The following PKP2 variants were observed in gnomAD, a reference collection of about 807,000 sequenced individuals.
PKP2 encodes plakophilin-2.
Under a neutral mutation model 83.4 loss-of-function variants are expected in PKP2, and 73 were observed. The observed-to-expected ratio is 0.88, with a 90% CI of 0.72 to 1.06. The LOEUF is 1.06. Among genes scored for constraint, PKP2 ranks in the 50% least tolerant of loss-of-function variants. PKP2 has a pLI of 0.00. For synonymous variants in PKP2, 409 were observed against 430.4 expected (o/e 0.95, Z 0.62); for missense variants, 966 against 1,065.4 (o/e 0.91, Z 1.30).
intron 6 of PKP2, among the ~76,000 whole-genome samples, chr12:32,833,274 A>G (rs1956516836): frequency 1.3e-5 from 2 of 152,152 alleles, no homozygotes; most frequent in African/African-American, 4.8e-5. Flanking sequence ...TACAAAAAGA[A>G]AGAAAAGAAA....
chr12:32,795,968 G>A, intron 11 of PKP2, 141 bp downstream of exon 11: 1 of 776,362 alleles, frequency 1.3e-6, no homozygotes, highest in Non-Finnish European at 2.3e-6. Context: ...GGGCTGACCA[G>A]ATGATCTGGC....
intron 10 of PKP2, among the ~76,000 whole-genome samples, chr12:32,799,473 A>G (rs1239665480): frequency 2.0e-5 from 3 of 152,232 alleles, no homozygotes; most frequent in Non-Finnish European, 4.4e-5. Flanking sequence ...TATGAAAAAG[A>G]CACTTGTACA....
chr12:32,810,653 G>C (rs777313696), intron 9 of PKP2, among the ~76,000 whole-genome samples: 4 of 152,084 alleles, frequency 2.6e-5, no homozygotes, highest in Non-Finnish European at 5.9e-5. Context: ...GTCACATTTA[G>C]GGGAAAGTAC....
At position 32,871,897 on chromosome 12, in the gene PKP2, C is replaced by T. The variant is rs557366417; in HGVS notation, c.1035-2835G>A. Among the ~76,000 whole-genome samples the T allele has an allele frequency of 6.6e-5, 10 of 152,290 alleles. No individual in the cohort carries two copies. The South Asian group carries it at 2.1e-3, about 32-fold the overall frequency. ...TGTGAAATCTTTTCTGTACCCCATC[C>T]CCTAGAACAGCTAGAGCTATTCTTT... On this transcript the variant is annotated intron_variant, in intron 3 of 12. Transcript: ENST00000340811.
intron 1 of PKP2, among the ~76,000 whole-genome samples, chr12:32,883,053 T>C (rs913882005): frequency 6.6e-6 from 1 of 152,256 alleles, no homozygotes; most frequent in Non-Finnish European, 1.5e-5. Flanking sequence ...CATAAGTTCT[T>C]AGAAGAAAGC....
chr12:32,887,516 C>T (rs570315760), intron 1 of PKP2, among the ~76,000 whole-genome samples: 6 of 152,188 alleles, frequency 3.9e-5, no homozygotes, highest in South Asian at 4.1e-4. Flanking sequence ...TGCAGCGGTG[C>T]GATCTTGGCT....
intron 4 of PKP2, among the ~76,000 whole-genome samples, chr12:32,862,319 G>A (rs1377803217): frequency 2.6e-5 from 4 of 152,202 alleles, no homozygotes; most frequent in Admixed American, 2.0e-4. Flanking sequence ...ATGCAGGTTT[G>A]CTGGTGATGA....
intron 1 of PKP2, among the ~76,000 whole-genome samples, chr12:32,889,058 C>A (rs1455244627): frequency 6.6e-6 from 1 of 152,162 alleles, no homozygotes; most frequent in East Asian, 1.9e-4. Flanking sequence ...TCACAATTAT[C>A]AAATTCTTTA....
intron 5 of PKP2, among the ~76,000 whole-genome samples, chr12:32,848,127 C>T (rs546969225): frequency 2.0e-5 from 3 of 152,124 alleles, no homozygotes; most frequent in Non-Finnish European, 4.4e-5. Flanking sequence ...CTGGCAAGAG[C>T]GTAGCATGGT....
At position 32,821,361 on chromosome 12, in the gene PKP2, C is replaced by T. The variant is rs1956374016; in HGVS notation, c.2008G>A (p.Gly670Arg). Residue 670 changes from glycine (G) to arginine (R), a missense_variant, in exon 9 of 13, where the codon GGA (glycine) becomes AGA (arginine). Physicochemically the swap from Gly to Arg is moderately radical, Grantham distance 125. Coordinates refer to ENST00000340811, the MANE Select transcript of PKP2 (RefSeq NM_001005242.3). The part of the protein sequence containing the change: ...GALQNLTAGS[G>R]PMPTSVAQTV... ...AAATCAGGCCCAATACTCACTGGTCCACTTCCGGCCGTGAGGTTCTGCAGA... is the reference window on the plus strand; with the variant it reads ...AAATCAGGCCCAATACTCACTGGTCTACTTCCGGCCGTGAGGTTCTGCAGA... The T allele has an allele frequency of 1.2e-6, 2 of 1,613,914 alleles. No homozygotes were observed. The highest frequency in any genetic ancestry group is 1.1e-5 in the South Asian group (1 of 91,068).
At chr12:32,895,823 G>GT (rs946154675) in intron 1 of PKP2, among the ~76,000 whole-genome samples, 3 of 152,194 alleles carry the variant, frequency 2.0e-5, no homozygotes, top group African/African-American at 7.2e-5. Context: ...GCCCGCACTG[G>GT]TGGGGGTAGG....
intron 4 of PKP2, among the ~76,000 whole-genome samples, chr12:32,858,185 G>A (rs1956772195): frequency 7.2e-6 from 1 of 138,560 alleles, no homozygotes; most frequent in Non-Finnish European, 1.5e-5. Context: ...GTCCATGCCT[G>A]TGGTCCCAGC....
intron 9 of PKP2, among the ~76,000 whole-genome samples, chr12:32,804,405 C>T (rs1956206857): frequency 6.6e-6 from 1 of 152,122 alleles, no homozygotes; most frequent in Admixed American, 6.5e-5. Flanking sequence ...CATCCAATCA[C>T]CTAGGTATTA....
chr12:32,792,397 G>A lies in PKP2; in HGVS notation c.*27C>T. The A allele has an allele frequency of 6.4e-7, 1 of 1,569,942 alleles. No individual in the cohort carries two copies. Among genetic ancestry groups the A allele is most frequent in the Non-Finnish European group, 8.8e-7 (1 of 1,139,588 alleles). Reference sequence around the variant, plus strand: ...TAGGTGTTTTCCTTTGGGGATTTTTGCAGCCGAGAATACTTTGTCATTTTC... The same window carrying A: ...TAGGTGTTTTCCTTTGGGGATTTTTACAGCCGAGAATACTTTGTCATTTTC... On this transcript the variant is annotated 3_prime_UTR_variant, in exon 13 of 13. Coordinates refer to ENST00000340811, the MANE Select transcript of PKP2 (RefSeq NM_001005242.3).
intron 1 of PKP2, among the ~76,000 whole-genome samples, chr12:32,880,920 A>T (rs900285784): frequency 6.6e-5 from 10 of 152,344 alleles, no homozygotes; most frequent in African/African-American, 2.4e-4. Flanking sequence ...TTTAGAAATC[A>T]GAGGGAAAAT....
At chr12:32,884,044 G>C (rs1957008311) in intron 1 of PKP2, among the ~76,000 whole-genome samples, 1 of 152,186 alleles carries the variant, frequency 6.6e-6, no homozygotes, top group African/African-American at 2.4e-5. Context: ...CTGGAGGAAA[G>C]GAATGTCATA....
At position 32,824,081 on chromosome 12, in the gene PKP2, G is replaced by A. The variant is rs2137783220; in HGVS notation, c.1638C>T (p.Val546=). ...DGLIDSLVHY[V]RGTIADYQPD... is the part of the protein sequence containing the mutation. ...GCTGGTAATCTGCAATGGTTCCTCT[G>A]ACATAATGGACCAGTGAGTCAATGA... The change falls in exon 7 of 13, where the codon GTC becomes GTT. Residue 546 remains valine, a synonymous_variant. Coordinates refer to ENST00000340811, the MANE Select transcript of PKP2 (RefSeq NM_001005242.3). The A allele has an allele frequency of 1.9e-6, 3 of 1,609,614 alleles. No individual in the cohort carries two copies. Among genetic ancestry groups the A allele is most frequent in the South Asian group, 1.1e-5 (1 of 90,982 alleles).
intron 10 of PKP2, among the ~76,000 whole-genome samples, chr12:32,800,950 T>C (rs1227355023): frequency 6.6e-6 from 1 of 152,266 alleles, no homozygotes; most frequent in Non-Finnish European, 1.5e-5. Flanking sequence ...GAAAGTTACC[T>C]GGCTTAGAAA....
At position 32,881,079 on chromosome 12, in the gene PKP2, G is replaced by GAT. The variant is rs566367339; in HGVS notation, c.224-2049_224-2048dup. On this transcript the variant is annotated intron_variant, in intron 1 of 12. Transcript: ENST00000340811. ...AAAGACAAAATTTCAAAATACTGAT[G>GAT]ATACATTCAAGGGGAGGGAGAATGG... is the stretch of plus-strand genomic sequence containing the variant. Among the ~76,000 whole-genome samples the GAT allele has an allele frequency of 2.2e-4, 34 of 152,264 alleles. No individual in the cohort carries two copies. The East Asian group carries it at 6.4e-3, about 29-fold the overall frequency.
Sources: allele counts gnomAD v4.1 joint callset (sites outside exome capture counted in the v4.1 genomes callset), GRCh38; gene constraint gnomAD v4.1.1; transcripts MANE v1.5; gene names NCBI Gene and HGNC (gene_info 2026-07-23, HGNC 2026-07-21).